KAZN: variants seen among roughly 807,000 people sequenced by gnomAD.
KAZN encodes kazrin, periplakin interacting protein.
Under a neutral mutation model 87.4 loss-of-function variants are expected in KAZN, and 40 were observed. The ratio of observed to expected loss-of-function variants is 0.46; its 90% confidence interval spans 0.36 to 0.60. KAZN has a LOEUF of 0.60. Ranked by LOEUF, KAZN falls within the 20% of genes least tolerant of loss-of-function variation. The pLI is 0.00. For missense variants in KAZN, 898 were observed against 1,073.9 expected, an observed-to-expected ratio of 0.84 and a Z score of 2.29; for synonymous variants, 466 against 458.3, an observed-to-expected ratio of 1.02 and a Z score of -0.22.
intron 1 of KAZN, among the ~76,000 whole-genome samples, chr1:14,021,584 C>T (rs1414819644): frequency 6.6e-6 from 1 of 152,140 alleles, no homozygotes; most frequent in African/African-American, 2.4e-5. Context: ...TTTCCAAGTT[C>T]CCCAGGTAAT....
intron 1 of KAZN, among the ~76,000 whole-genome samples, chr1:14,619,357 C>G (rs979916752): frequency 1.3e-5 from 2 of 151,518 alleles, no homozygotes; most frequent in Admixed American, 6.6e-5. Flanking sequence ...GCCAACACAC[C>G]TGGCTAATTT....
intron 1 of KAZN, among the ~76,000 whole-genome samples, chr1:13,925,199 G>A (rs543315531): frequency 1.6e-4 from 25 of 152,302 alleles, no homozygotes; most frequent in African/African-American, 5.5e-4. Flanking sequence ...TGTGACTGGC[G>A]TCTTGCACTT....
At chr1:14,290,011 CT>C (rs538120762) in intron 2 of KAZN, among the ~76,000 whole-genome samples, 40 of 152,198 alleles carry the variant, frequency 2.6e-4, no homozygotes, top group Non-Finnish European at 2.6e-4. Flanking sequence ...GGCCCCCACT[CT>C]TTTCTGGCTT....
intron 1 of KAZN, among the ~76,000 whole-genome samples, chr1:14,121,167 A>T (rs1557491800): frequency 6.6e-6 from 1 of 152,220 alleles, no homozygotes; most frequent in African/African-American, 2.4e-5. Flanking sequence ...TGCTTTATCA[A>T]GGAATTTTAA....
chr1:14,426,727 C>T (rs1012230060), intron 2 of KAZN, among the ~76,000 whole-genome samples: 1 of 152,100 alleles, frequency 6.6e-6, no homozygotes, highest in African/African-American at 2.4e-5. Context: ...AATGTCCAGC[C>T]CCTCCCGCTC....
intron 2 of KAZN, among the ~76,000 whole-genome samples, chr1:14,550,703 T>TTCTCTCTCTCTCTCTCTCTC (rs150591627): frequency 1.0e-4 from 4 of 38,638 alleles, no homozygotes; most frequent in African/African-American, 2.5e-4. Context: ...CTCTCCTCTT[T>TTCTCTCTCTCTCTCTCTCTC]TCTCTCTCTC....
intron 1 of KAZN, among the ~76,000 whole-genome samples, chr1:14,886,483 G>T (rs1296111832): frequency 6.6e-6 from 1 of 151,638 alleles, no homozygotes; most frequent in Non-Finnish European, 1.5e-5. Flanking sequence ...CAGAGAGAGA[G>T]AGACAGAGAC....
chr1:14,884,891 C>T (rs1205731765), intron 1 of KAZN, among the ~76,000 whole-genome samples: 2 of 152,196 alleles, frequency 1.3e-5, no homozygotes, highest in African/African-American at 4.8e-5. Context: ...TCAGCGACAG[C>T]GATGGCGGAG....
intron 1 of KAZN, among the ~76,000 whole-genome samples, chr1:14,054,186 T>C (rs1642455274): frequency 6.6e-6 from 1 of 152,206 alleles, no homozygotes; most frequent in African/African-American, 2.4e-5. Context: ...CACATGTAAC[T>C]GGACCTGTGC....
chr1:14,988,647 T>G (rs1667061964), intron 2 of KAZN, among the ~76,000 whole-genome samples: 1 of 152,222 alleles, frequency 6.6e-6, no homozygotes, highest in African/African-American at 2.4e-5. Flanking sequence ...CAGCTGTGCT[T>G]CTGATTATCC....
At chr1:15,031,521 G>C (rs1370886459) in intron 2 of KAZN, among the ~76,000 whole-genome samples, 1 of 148,584 alleles carries the variant, frequency 6.7e-6, no homozygotes, top group Non-Finnish European at 1.5e-5. Flanking sequence ...GGAGGGGACA[G>C]AAGTCATGCT....
intron 1 of KAZN, among the ~76,000 whole-genome samples, chr1:14,104,566 T>C (rs57957206): frequency 0.33 from 50,851 of 152,094 alleles, 9,647 homozygotes; most frequent in East Asian, 0.56. Flanking sequence ...GCAAATAACA[T>C]ACCCAAGACT....
chr1:14,360,568 C>T (rs1274218733), intron 2 of KAZN, among the ~76,000 whole-genome samples: 1 of 151,964 alleles, frequency 6.6e-6, no homozygotes, highest in East Asian at 1.9e-4. Flanking sequence ...TTTTTTTAAT[C>T]TTCGTGGATT....
intron 2 of KAZN, among the ~76,000 whole-genome samples, chr1:14,289,503 C>T: frequency 6.7e-6 from 1 of 150,000 alleles, no homozygotes; most frequent in East Asian, 1.9e-4. Context: ...AGGATTGTAA[C>T]TCTGCCTTTT....
intron 1 of KAZN, among the ~76,000 whole-genome samples, chr1:14,111,857 A>G: frequency 6.6e-6 from 1 of 151,342 alleles, no homozygotes; most frequent in Non-Finnish European, 1.5e-5. Flanking sequence ...CTCCTGCCTC[A>G]GCCTCCTGAG....
intron 1 of KAZN, among the ~76,000 whole-genome samples, chr1:13,974,145 T>C (rs1383189780): frequency 6.6e-6 from 1 of 152,238 alleles, no homozygotes; most frequent in Non-Finnish European, 1.5e-5. Flanking sequence ...CAGGAATTTG[T>C]AAGAGATTCA....
At chr1:14,350,827 A>G (rs915473341) in intron 2 of KAZN, 6 of 152,264 alleles carry the variant, frequency 3.9e-5, no homozygotes, top group African/African-American at 1.2e-4. Flanking sequence ...ATTCTAGCAA[A>G]TTTCCCCAGA....
chr1:14,907,865 C>A (rs893562203), intron 1 of KAZN, among the ~76,000 whole-genome samples: 4 of 152,134 alleles, frequency 2.6e-5, no homozygotes, highest in Non-Finnish European at 5.9e-5. Flanking sequence ...CTCCTCCAAC[C>A]CTTCTCTCCC....
At chr1:14,136,687 T>G (rs150004481) in intron 1 of KAZN, among the ~76,000 whole-genome samples, 2 of 152,116 alleles carry the variant, frequency 1.3e-5, no homozygotes, top group South Asian at 4.1e-4. Flanking sequence ...GGGATGGGAA[T>G]GTGGCTTCTC....
Sources: gnomAD v4.1 joint callset for allele counts (sites outside exome capture counted in the v4.1 genomes callset) on GRCh38, gnomAD v4.1.1 for gene constraint, MANE v1.5 for transcripts, NCBI Gene and HGNC (gene_info 2026-07-23, HGNC 2026-07-21) for gene names.